The following CCL26 variants were observed in gnomAD, a reference collection of about 807,000 sequenced individuals.
The protein encoded by CCL26 is C-C motif chemokine ligand 26.
A neutral mutation model predicts 10.7 loss-of-function variants in CCL26; 10 were observed. That is an observed-to-expected ratio of 0.93 (90% CI 0.57 to 1.58). The LOEUF (loss-of-function observed/expected upper bound fraction) is 1.58. Among genes scored for constraint, CCL26 ranks in the 40% most tolerant of loss-of-function variants. The pLI, the probability that CCL26 is intolerant of heterozygous loss-of-function variation, is 0.00. For missense variants in CCL26, 116 were observed against 111.0 expected (o/e 1.05, Z -0.20); for synonymous variants, 43 against 41.4 (o/e 1.04, Z -0.15).
chr7:75,780,510 C>T (rs1043267105), intron 1 of CCL26, among the ~76,000 whole-genome samples: 4 of 152,166 alleles, frequency 2.6e-5, no homozygotes, highest in African/African-American at 4.8e-5. Context: ...AATACAAACT[C>T]GACAGTTGTT....
At chr7:75,772,712 G>C (rs1802856673), upstream of CCL26, among the ~76,000 whole-genome samples, 1 of 151,592 alleles carries the variant, frequency 6.6e-6, no homozygotes, top group Non-Finnish European at 1.5e-5. Context: ...AGATGGTAGA[G>C]ATCCCTTTAT....
At chr7:75,778,478 A>G (rs1225140722) in intron 1 of CCL26, among the ~76,000 whole-genome samples, 1 of 151,096 alleles carries the variant, frequency 6.6e-6, no homozygotes, top group African/African-American at 2.4e-5. Flanking sequence ...TTTTTGATAA[A>G]TAGCCATTCT....
At chr7:75,776,581 G>GAAGA (rs1563336842), upstream of CCL26, among the ~76,000 whole-genome samples, 10 of 115,654 alleles carry the variant, frequency 8.6e-5, no homozygotes, top group African/African-American at 3.1e-4. Context: ...AGGAAGGAAG[G>GAAGA]AAGAAGGAAA....
In CCL26 at chr7:75,786,584, C is replaced by T. The variant is rs7789853; in HGVS notation, c.-79+3133G>A. Among the ~76,000 whole-genome samples, 742 of 152,290 alleles carry T rather than the reference C, an allele frequency of 4.9e-3. 3 individuals are homozygous for T. Among genetic ancestry groups the T allele is most frequent in the African/African-American group, 0.015 (622 of 41,566 alleles). On this transcript the variant is annotated intron_variant, in intron 1 of 3. Transcript: ENST00000394905. Reference sequence around the variant, plus strand: ...AACTCTTCTCAAGGCCGCTTTACTTCCAAAGAAAGCTGGAGTCAAAGCAGG... The same window carrying T: ...AACTCTTCTCAAGGCCGCTTTACTTTCAAAGAAAGCTGGAGTCAAAGCAGG...
chr7:75,786,201 A>G (rs1554529983), intron 1 of CCL26, among the ~76,000 whole-genome samples: 1 of 152,246 alleles, frequency 6.6e-6, no homozygotes, highest in Non-Finnish European at 1.5e-5. Context: ...CCATGACTGT[A>G]TCTCTCTGAT....
intron 1 of CCL26, among the ~76,000 whole-genome samples, chr7:75,784,448 C>T (rs1306808291): frequency 1.3e-5 from 2 of 152,326 alleles, no homozygotes; most frequent in African/African-American, 4.8e-5. Flanking sequence ...ATCACAGATG[C>T]TTTGGGTAAC....
intron 1 of CCL26, among the ~76,000 whole-genome samples, chr7:75,778,855 G>GGGA (rs1195474388): frequency 6.6e-6 from 1 of 151,840 alleles, no homozygotes; most frequent in Non-Finnish European, 1.5e-5. Context: ...AGGTGGGGGG[G>GGGA]GCAGATCACT....
chr7:75,790,218 T>TCTTTCTTTCTTTCTTTCTTTCTTC (rs1554530641), upstream of CCL26, among the ~76,000 whole-genome samples: 46 of 66,846 alleles, frequency 6.9e-4, no homozygotes, highest in Non-Finnish European at 9.5e-4. Flanking sequence ...TTTCTTTCTT[T>TCTTTCTTTCTTTCTTTCTTTCTTC]CTTCCTTCCT....
intron 1 of CCL26, among the ~76,000 whole-genome samples, chr7:75,787,651 C>CAAAAAGAA (rs1803227995): frequency 3.6e-5 from 1 of 27,746 alleles, no homozygotes; most frequent in Non-Finnish European, 5.8e-5. Flanking sequence ...TCTCCAAAAG[C>CAAAAAGAA]AAAAAAAAAA....
upstream of CCL26, among the ~76,000 whole-genome samples, chr7:75,777,146 C>T (rs933350763): frequency 1.3e-5 from 2 of 152,060 alleles, no homozygotes; most frequent in East Asian, 1.9e-4. Flanking sequence ...ACAGGAGAAT[C>T]GCTTGAACCT....
upstream of CCL26, chr7:75,772,371 C>G: frequency 3.4e-6 from 2 of 582,250 alleles, no homozygotes; most frequent in Admixed American, 3.0e-5. Flanking sequence ...GAAAGATAAT[C>G]TGGCACTGGG....
At chr7:75,781,821 T>A (rs962835381) in intron 1 of CCL26, among the ~76,000 whole-genome samples, 1 of 151,732 alleles carries the variant, frequency 6.6e-6, no homozygotes, top group Non-Finnish European at 1.5e-5. Flanking sequence ...CCCACCCCTA[T>A]CTCCCTTCAC....
chr7:75,774,369 G>A (rs372684215), upstream of CCL26, among the ~76,000 whole-genome samples: 30 of 152,014 alleles, frequency 2.0e-4, 1 homozygote, highest in African/African-American at 3.4e-4. Context: ...GTCTTGTCTC[G>A]AACTCCTGAC....
At chr7:75,776,513 AAAGG>A (rs58177095), upstream of CCL26, among the ~76,000 whole-genome samples, 6,434 of 108,666 alleles carry the variant, frequency 0.059, 264 homozygotes, top group East Asian at 0.087. Flanking sequence ...TGCACTCCAA[AAAGG>A]AAGGAAGGAA....
intron 1 of CCL26, among the ~76,000 whole-genome samples, chr7:75,782,274 G>A (rs1391409559): frequency 2.6e-5 from 4 of 152,122 alleles, no homozygotes; most frequent in Non-Finnish European, 5.9e-5. Flanking sequence ...ACTCGGGAAG[G>A]CAGCCTTCCC....
intron 1 of CCL26, among the ~76,000 whole-genome samples, chr7:75,779,131 GAAC>G (rs781965022): frequency 1.3e-3 from 203 of 152,026 alleles, no homozygotes; most frequent in African/African-American, 4.6e-3. Context: ...GCCCGCCAGA[GAAC>G]AACCCCATTT....
At position 75,772,192 on chromosome 7, in the gene CCL26, G is replaced by A; in HGVS notation, c.-16C>T. 1.3e-6 allele frequency: 2 copies of A among 1,545,488 alleles called. No homozygotes were observed. The highest frequency in any genetic ancestry group is 3.9e-5 in the Admixed American group (2 of 50,956). On this transcript the variant is annotated 5_prime_UTR_variant, in exon 1 of 3. Coordinates refer to ENST00000005180, the MANE Select transcript of CCL26 (RefSeq NM_001371938.1). ...GGCCCATCATGATGCTGCAAATCAGGCCCTTCTCAGGTTTCTCCCAAACTC... is the reference window on the plus strand; with the variant it reads ...GGCCCATCATGATGCTGCAAATCAGACCCTTCTCAGGTTTCTCCCAAACTC...
rs201785762 is a variant in CCL26, at chr7:75,772,048, C to A, written c.74-45G>T. The A allele has an allele frequency of 9.4e-6, 15 of 1,603,924 alleles. No homozygotes were observed. In the East Asian group the frequency reaches 1.3e-4, roughly 14 times the overall value. On this transcript the variant is annotated intron_variant, in intron 1 of 2. Transcript: ENST00000005180. ...AGGGTTTGGAGATACTCATTTCCATCCACTCCCAGGCGGTCCGGGAAGGAA... is the reference window on the plus strand; with the variant it reads ...AGGGTTTGGAGATACTCATTTCCATACACTCCCAGGCGGTCCGGGAAGGAA...
upstream of CCL26, among the ~76,000 whole-genome samples, chr7:75,791,218 G>C (rs1212563795): frequency 6.6e-6 from 1 of 151,822 alleles, no homozygotes; most frequent in Admixed American, 6.6e-5. Flanking sequence ...GTAGAGACAA[G>C]GTTTTGTCAT....
Sources: allele counts gnomAD v4.1 joint callset (sites outside exome capture counted in the v4.1 genomes callset), GRCh38; gene constraint gnomAD v4.1.1; transcripts MANE v1.5; gene names NCBI Gene and HGNC (gene_info 2026-07-23, HGNC 2026-07-21).